ZC3H12B: variants seen among roughly 807,000 people sequenced by gnomAD.
The protein encoded by ZC3H12B is probable ribonuclease ZC3H12B.
ZC3H12B carries 7 observed loss-of-function variants against 43.9 expected under a neutral mutation model. The ratio of observed to expected loss-of-function variants is 0.16; its 90% confidence interval spans 0.09 to 0.30. The LOEUF (loss-of-function observed/expected upper bound fraction) is 0.30, where lower values mean the gene tolerates loss of function less well. Ranked by LOEUF, ZC3H12B falls within the 10% of genes least tolerant of loss-of-function variation. ZC3H12B has a pLI of 1.00. For missense variants in ZC3H12B, 475 were observed against 670.2 expected (o/e 0.71, Z 3.22); for synonymous variants, 222 against 241.7 (o/e 0.92, Z 0.76).
chrX:65,432,810 C>A (rs1281815499), intron 3 of ZC3H12B, among the ~76,000 whole-genome samples: 2 of 112,007 alleles, frequency 1.8e-5, no homozygotes, highest in Non-Finnish European at 3.8e-5. Flanking sequence ...ATTTACCACC[C>A]TCTGCATGCA....
chrX:65,449,921 A>C (rs1398905159), intron 3 of ZC3H12B, among the ~76,000 whole-genome samples: 1 of 111,555 alleles, frequency 9.0e-6, no homozygotes. Context: ...TACTCAGGTG[A>C]TCAGTGTGCT....
the ZC3H12B span, among the ~76,000 whole-genome samples, chrX:65,159,171 T>G: frequency 8.9e-6 from 1 of 112,238 alleles, no homozygotes; most frequent in Non-Finnish European, 1.9e-5. Context: ...TTTTGGTTAC[T>G]GTAGCCTCGT....
the ZC3H12B span, among the ~76,000 whole-genome samples, chrX:65,169,850 T>C: frequency 8.9e-6 from 1 of 112,085 alleles, no homozygotes; most frequent in Admixed American, 9.5e-5. Context: ...GAGACTAGCA[T>C]TGCAATCTCT....
At chrX:65,362,358 A>T (rs1442490027), upstream of ZC3H12B, among the ~76,000 whole-genome samples, 3 of 111,445 alleles carry the variant, frequency 2.7e-5, no homozygotes, top group East Asian at 8.5e-4. Context: ...ATTGACGGCC[A>T]GGCTTCTAAA....
the ZC3H12B span, among the ~76,000 whole-genome samples, chrX:65,058,739 C>T: frequency 1.8e-5 from 2 of 111,952 alleles, no homozygotes; most frequent in South Asian, 3.7e-4. Flanking sequence ...TCAAGCTTCC[C>T]GGCCACATTG....
At chrX:65,292,865 T>C in the ZC3H12B span, among the ~76,000 whole-genome samples, 7 of 110,798 alleles carry the variant, frequency 6.3e-5, no homozygotes, top group Non-Finnish European at 1.3e-4. Flanking sequence ...TTGCCTGTGG[T>C]CTTAGATACT....
the ZC3H12B span, among the ~76,000 whole-genome samples, chrX:65,270,215 C>G: frequency 9.0e-6 from 1 of 111,343 alleles, no homozygotes; most frequent in Non-Finnish European, 1.9e-5. Flanking sequence ...ATAGAGAGCC[C>G]AGAAATAAAT....
chrX:65,418,554 G>A (rs1169792835), intron 3 of ZC3H12B, among the ~76,000 whole-genome samples: 1 of 111,638 alleles, frequency 9.0e-6, no homozygotes, highest in Non-Finnish European at 1.9e-5. Context: ...GGCAAAGTGG[G>A]TGTGGTTACC....
the ZC3H12B span, among the ~76,000 whole-genome samples, chrX:65,250,452 A>T: frequency 8.9e-6 from 1 of 111,825 alleles, no homozygotes; most frequent in South Asian, 3.7e-4. Flanking sequence ...GTATATACTC[A>T]ATAATGGGAT....
At chrX:65,249,902 A>G in the ZC3H12B span, among the ~76,000 whole-genome samples, 7 of 101,950 alleles carry the variant, frequency 6.9e-5, no homozygotes, top group Non-Finnish European at 1.2e-4. Context: ...ACTTTTGTGT[A>G]CATTAGTCTG....
At chrX:65,065,572 A>G in the ZC3H12B span, among the ~76,000 whole-genome samples, 1 of 111,411 alleles carries the variant, frequency 9.0e-6, no homozygotes, top group Non-Finnish European at 1.9e-5. Flanking sequence ...TCTGCCCTTA[A>G]CAATTTTTCC....
At chrX:65,177,245 C>G in the ZC3H12B span, among the ~76,000 whole-genome samples, 1 of 112,065 alleles carries the variant, frequency 8.9e-6, no homozygotes, top group South Asian at 3.7e-4. Flanking sequence ...ATGCTAACAG[C>G]TCTCCAGAAA....
chrX:65,364,856 GC>G (rs1046272403), upstream of ZC3H12B, among the ~76,000 whole-genome samples: 6 of 111,191 alleles, frequency 5.4e-5, no homozygotes, highest in African/African-American at 2.0e-4. Context: ...TCAGGGATTT[GC>G]CCCTGCCCAG....
exon 5 of ZC3H12B, chrX:65,507,280 C>T (rs2068435125): frequency 8.9e-6 from 1 of 112,180 alleles, no homozygotes; most frequent in Non-Finnish European, 1.9e-5. Context: ...AGAGTCCGCT[C>T]AGGTCTCCCT....
the ZC3H12B span, among the ~76,000 whole-genome samples, chrX:65,146,525 T>C: frequency 1.3e-4 from 14 of 111,545 alleles, no homozygotes; most frequent in South Asian, 3.8e-4. Context: ...TTGGGGGGTG[T>C]TAAAGAACCT....
At chrX:65,368,328 A>G (rs1420747896) in intron 1 of ZC3H12B, among the ~76,000 whole-genome samples, 1 of 111,488 alleles carries the variant, frequency 9.0e-6, no homozygotes, top group African/African-American at 3.3e-5. Flanking sequence ...GTGGTCTTTT[A>G]AGATTTATGA....
At chrX:65,160,863 T>C in the ZC3H12B span, among the ~76,000 whole-genome samples, 5 of 111,309 alleles carry the variant, frequency 4.5e-5, no homozygotes, top group Admixed American at 4.8e-4. Flanking sequence ...AAAGTGTCAA[T>C]TTTGGATCGT....
the ZC3H12B span, among the ~76,000 whole-genome samples, chrX:65,160,913 C>T: frequency 5.4e-5 from 6 of 110,504 alleles, no homozygotes; most frequent in Non-Finnish European, 1.1e-4. Flanking sequence ...TATAAATTTC[C>T]CTCTACACAG....
chrX:65,290,013 A>AAAT, the ZC3H12B span, among the ~76,000 whole-genome samples: 2 of 110,774 alleles, frequency 1.8e-5, no homozygotes, highest in East Asian at 2.8e-4. Context: ...ATGTAGTAAA[A>AAAT]AATAATAATA....
Sources: allele counts gnomAD v4.1 joint callset (sites outside exome capture counted in the v4.1 genomes callset), GRCh38; gene constraint gnomAD v4.1.1; transcripts MANE v1.5; gene names NCBI Gene and HGNC (gene_info 2026-07-23, HGNC 2026-07-21).